Variants in ARMH3 observed in about 807,000 individuals in gnomAD.
ARMH3 encodes armadillo like helical domain containing 3.
In ARMH3, 60 loss-of-function variants were observed where a neutral mutation model predicts 99.1. That is an observed-to-expected ratio of 0.61 (90% confidence interval 0.49 to 0.75). The LOEUF (loss-of-function observed/expected upper bound fraction) is 0.75. Among genes scored for constraint, ARMH3 ranks in the 30% least tolerant of loss-of-function variants. The pLI is 0.00. For synonymous variants in ARMH3, 285 were observed against 292.8 expected (o/e 0.97, Z 0.27); for missense variants, 679 against 843.1 (o/e 0.81, Z 2.41).
chr10:101,887,787 C>G (rs1406549230), intron 24 of ARMH3, among the ~76,000 whole-genome samples: 1 of 151,988 alleles, frequency 6.6e-6, no homozygotes, highest in Non-Finnish European at 1.5e-5. Flanking sequence ...TTTCCCCATT[C>G]TCCTATGAAA....
intron 24 of ARMH3, among the ~76,000 whole-genome samples, chr10:101,851,079 A>C (rs1011409405): frequency 6.6e-6 from 1 of 152,236 alleles, no homozygotes; most frequent in Non-Finnish European, 1.5e-5. Flanking sequence ...ACTTTAGGGC[A>C]TCCCAGCCTT....
chr10:101,954,976 T>C (rs1004126555), intron 22 of ARMH3, among the ~76,000 whole-genome samples: 5 of 152,162 alleles, frequency 3.3e-5, no homozygotes, highest in Non-Finnish European at 7.3e-5. Flanking sequence ...CCACTCCAAC[T>C]CTTTCCTTTT....
At position 101,847,538 on chromosome 10, in the gene ARMH3, G is replaced by A. The variant is rs775234351; in HGVS notation, c.2060C>T (p.Thr687Ile). 5.0e-6 allele frequency: 8 copies of A among 1,614,038 alleles called. No homozygotes were observed. The highest frequency in any genetic ancestry group is 2.7e-5 in the African/African-American group (2 of 74,946). The change falls in exon 26 of 26, where the codon ACT becomes ATT. Residue 687 changes from threonine to isoleucine, a missense_variant. This residue lies in a region of ARMH3 where 389 missense variants were observed against 456.5 expected (regional missense o/e 0.85). Coordinates refer to ENST00000370033, the MANE Select transcript of ARMH3 (RefSeq NM_024541.3). ...CAGGTAGGCGTGGCCTCAGGAGATA[G>A]TGGAGAACTCCTTGAGCAGGACTTC... is the stretch of plus-strand genomic sequence containing the variant. ...SQEVLLKEFS[T>I]IS is the part of the protein sequence containing the mutation.
intron 22 of ARMH3, among the ~76,000 whole-genome samples, chr10:101,949,890 CAG>C (rs1354195173): frequency 6.6e-6 from 1 of 152,132 alleles, no homozygotes; most frequent in East Asian, 1.9e-4. Flanking sequence ...ACTATACTAA[CAG>C]ACAATAGTAG....
At chr10:101,928,031 G>A (rs369001526) in intron 23 of ARMH3, among the ~76,000 whole-genome samples, 18 of 152,180 alleles carry the variant, frequency 1.2e-4, no homozygotes, top group Admixed American at 7.2e-4. Flanking sequence ...CCAAGACTGC[G>A]TCACTGCACT....
chr10:101,966,767 G>C (rs1443403645), intron 20 of ARMH3, among the ~76,000 whole-genome samples: 1 of 152,152 alleles, frequency 6.6e-6, no homozygotes, highest in South Asian at 2.1e-4. Flanking sequence ...TTGCCATGTA[G>C]CAGTAGAATG....
At chr10:101,995,933 T>G (rs780938747) in intron 15 of ARMH3, among the ~76,000 whole-genome samples, 4 of 152,244 alleles carry the variant, frequency 2.6e-5, no homozygotes, top group African/African-American at 4.8e-5. Flanking sequence ...AAATATTTAC[T>G]TAGCACTACT....
At chr10:102,046,905 T>A (rs2067567743) in intron 1 of ARMH3, among the ~76,000 whole-genome samples, 1 of 152,208 alleles carries the variant, frequency 6.6e-6, no homozygotes. Flanking sequence ...AACTGTGAAA[T>A]GTCTAGATAT....
At chr10:102,020,533 A>G (rs1208044291) in intron 8 of ARMH3, among the ~76,000 whole-genome samples, 2 of 151,988 alleles carry the variant, frequency 1.3e-5, no homozygotes, top group Non-Finnish European at 2.9e-5. Context: ...AAAATACAAA[A>G]AAATTAGCCA....
At chr10:101,975,049 TAAAAA>T (rs11399489) in intron 20 of ARMH3, among the ~76,000 whole-genome samples, 158 bp downstream of exon 20, 478 of 29,670 alleles carry the variant, frequency 0.016, 5 homozygotes, top group African/African-American at 0.06. Context: ...AGCTAAAACG[TAAAAA>T]AAAAAAAAAA....
At chr10:101,868,885 A>G (rs1254221294) in intron 24 of ARMH3, among the ~76,000 whole-genome samples, 1 of 152,184 alleles carries the variant, frequency 6.6e-6, no homozygotes, top group Non-Finnish European at 1.5e-5. Flanking sequence ...TAGCTTGGCC[A>G]ATATAATGAA....
chr10:101,866,026 G>A (rs2066993863), intron 24 of ARMH3, among the ~76,000 whole-genome samples: 1 of 151,612 alleles, frequency 6.6e-6, no homozygotes, highest in Non-Finnish European at 1.5e-5. Flanking sequence ...TTCAAGACCA[G>A]CCTGGCCAAC....
chr10:101,984,543 T>C (rs937921039), intron 19 of ARMH3, among the ~76,000 whole-genome samples: 3 of 152,016 alleles, frequency 2.0e-5, no homozygotes, highest in Admixed American at 2.0e-4. Flanking sequence ...TTGGCCCCCT[T>C]TGATAACGCC....
intron 1 of ARMH3, among the ~76,000 whole-genome samples, chr10:102,044,000 T>A (rs1590230068): frequency 6.6e-6 from 1 of 151,984 alleles, no homozygotes; most frequent in South Asian, 2.1e-4. Context: ...CACTGCAACC[T>A]CCGCCTCCTG....
chr10:102,006,869 T>A (rs2066503572), intron 13 of ARMH3, among the ~76,000 whole-genome samples: 1 of 151,876 alleles, frequency 6.6e-6, no homozygotes. Context: ...AGTCTCATAA[T>A]TAGAAAGCTC....
chr10:101,858,551 G>A (rs889859411), intron 24 of ARMH3, among the ~76,000 whole-genome samples: 4 of 152,172 alleles, frequency 2.6e-5, no homozygotes, highest in African/African-American at 9.7e-5. Flanking sequence ...ATTGGGAGAA[G>A]TGACCTATTT....
At chr10:102,032,956 A>C (rs943012401) in intron 4 of ARMH3, 70 bp downstream of exon 4, 2 of 1,541,048 alleles carry the variant, frequency 1.3e-6, no homozygotes, top group Non-Finnish European at 1.8e-6. Flanking sequence ...TAGGTTCCTC[A>C]GTTCAAACAG....
chr10:101,850,447 C>T (rs1455633329), intron 24 of ARMH3, among the ~76,000 whole-genome samples: 6 of 148,184 alleles, frequency 4.0e-5, no homozygotes, highest in Non-Finnish European at 8.9e-5. Context: ...CTTTTTGAGA[C>T]AGAGTCTCAC....
chr10:101,851,567 G>A (rs1264715377), intron 24 of ARMH3, among the ~76,000 whole-genome samples: 2 of 152,170 alleles, frequency 1.3e-5, no homozygotes, highest in African/African-American at 2.4e-5. Context: ...AGGCTCTTGA[G>A]GGGCCCAAAG....
Sources: allele counts gnomAD v4.1 joint callset (sites outside exome capture counted in the v4.1 genomes callset), GRCh38; gene constraint gnomAD v4.1.1; regional missense constraint gnomAD v4.1.1; transcripts MANE v1.5; gene names NCBI Gene and HGNC (gene_info 2026-07-23, HGNC 2026-07-21).